The following SEC24A variants were observed in gnomAD, a reference collection of about 807,000 sequenced individuals.
SEC24A encodes SEC24 homolog A, COPII component.
In SEC24A, 93 loss-of-function variants were observed where a neutral mutation model predicts 129.4. The ratio of observed to expected loss-of-function variants is 0.72; its 90% CI spans 0.61 to 0.85. The LOEUF (loss-of-function observed/expected upper bound fraction) is 0.85. Ranked by LOEUF, SEC24A falls within the 40% of genes least tolerant of loss-of-function variation. SEC24A has a pLI of 0.00. For synonymous variants in SEC24A, 460 were observed against 467.3 expected (o/e 0.98, Z 0.20); for missense variants, 1,264 against 1,307.4 (o/e 0.97, Z 0.51).
chr5:134,672,208 G>A (rs1750890323), intron 4 of SEC24A, among the ~76,000 whole-genome samples: 1 of 150,848 alleles, frequency 6.6e-6, no homozygotes. Context: ...TGTTTTTTGA[G>A]ACTGAGTCTC....
At chr5:134,672,064 C>T (rs1442699583) in intron 4 of SEC24A, among the ~76,000 whole-genome samples, 178 bp downstream of exon 4, 1 of 152,160 alleles carries the variant, frequency 6.6e-6, no homozygotes, top group Non-Finnish European at 1.5e-5. Flanking sequence ...GTCGCTCAGG[C>T]TGGAGTGCAG....
At chr5:134,712,907 C>T (rs1045670359) in intron 18 of SEC24A, among the ~76,000 whole-genome samples, 2 of 148,534 alleles carry the variant, frequency 1.3e-5, no homozygotes, top group African/African-American at 5.0e-5. Flanking sequence ...CATGAGCCAC[C>T]GTGCCTGGAA....
At chr5:134,714,362 C>T (rs2150110921) in intron 18 of SEC24A, among the ~76,000 whole-genome samples, 1 of 152,268 alleles carries the variant, frequency 6.6e-6, no homozygotes, top group East Asian at 1.9e-4. Flanking sequence ...CAGGAGGTGA[C>T]CAGTGGGCGA....
chr5:134,714,838 T>C (rs1326837112), intron 18 of SEC24A, among the ~76,000 whole-genome samples, 186 bp from the exon 19 acceptor site: 1 of 152,158 alleles, frequency 6.6e-6, no homozygotes, highest in Admixed American at 6.6e-5. Context: ...CAAAAGACTT[T>C]TAGGTGGGGC....
In SEC24A at chr5:134,696,501, C is replaced by CAT. The variant is rs547301133; in HGVS notation, c.1987-616_1987-615dup. 2.6e-5 allele frequency among the ~76,000 whole-genome samples: 4 copies of CAT among 151,742 alleles called. 1 individual carries two copies. The highest frequency in any genetic ancestry group is 6.6e-5 in the Admixed American group (1 of 15,210). Reference sequence around the variant, plus strand: ...AAACCTACAGAAAATTTTTAAAAAACATATATATATTTTTTCAGACGGAGT... The same window carrying CAT: ...AAACCTACAGAAAATTTTTAAAAAACATATATATATATTTTTTCAGACGGAGT... On this transcript the variant is annotated intron_variant, in intron 13 of 22. Coordinates refer to ENST00000398844, the MANE Select transcript of SEC24A (RefSeq NM_021982.3).
At position 134,725,082 on chromosome 5, in the gene SEC24A, A is replaced by G; in HGVS notation, c.3270A>G (p.Gln1090=). The G allele has an allele frequency of 1.4e-6, 2 of 1,475,224 alleles. No individual in the cohort carries two copies. The highest frequency in any genetic ancestry group is 1.9e-6 in the Non-Finnish European group (2 of 1,057,164). The allele number at this position is 1,475,224 out of a possible 1,614,324, so 91.4% of individuals were successfully genotyped here. A position where few individuals can be genotyped will look rare whatever the true frequency, so the allele number is the denominator to read the frequency against. The change falls in exon 23 of 23, where the codon CAA becomes CAG. Residue 1090 remains glutamine, a synonymous_variant. Transcript: ENST00000398844. Reference sequence around the variant, plus strand: ...AATTCCTGTTGCATATACAGCAACAAGTGAATAAATGAATGAATGAAGAAA... The same window carrying G: ...AATTCCTGTTGCATATACAGCAACAGGTGAATAAATGAATGAATGAAGAAA... ...YYEFLLHIQQ[Q]VNK
chr5:134,676,156 T>C (rs750238062), intron 7 of SEC24A, 31 bp downstream of exon 7: 19 of 1,507,896 alleles, frequency 1.3e-5, no homozygotes, highest in Non-Finnish European at 1.6e-5. Context: ...TTTTTTTTTT[T>C]TGAGACGGAG....
rs760290027 is a variant in SEC24A, at chr5:134,676,144, C to CT, written c.1254+32dup. On this transcript the variant is annotated intron_variant, in intron 7 of 22. Coordinates refer to ENST00000398844, the MANE Select transcript of SEC24A (RefSeq NM_021982.3). ...CTTAGTGGTATGTTTCTTTTCTTTTCTTTTTTTTTTTTTGAGACGGAGTCT... is the reference window on the plus strand; with the variant it reads ...CTTAGTGGTATGTTTCTTTTCTTTTCTTTTTTTTTTTTTTGAGACGGAGTCT... 180,868 of 1,148,270 alleles carry CT rather than the reference C, an allele frequency of 0.16. 11 individuals carry two copies. The highest frequency in any genetic ancestry group is 0.18 in the South Asian group (11,329 of 63,312). 71.1% of individuals were successfully genotyped at this position (1,148,270 alleles called of 1,614,324 possible).
At chr5:134,666,592 GAA>G (rs139900933) in intron 2 of SEC24A, among the ~76,000 whole-genome samples, 17,111 of 150,056 alleles carry the variant, frequency 0.11, 1,152 homozygotes, top group East Asian at 0.27. Context: ...AAGAAAGAAA[GAA>G]AGAAAAAAGG....
intron 9 of SEC24A, among the ~76,000 whole-genome samples, chr5:134,685,086 T>C (rs1042615878): frequency 3.3e-5 from 5 of 152,080 alleles, no homozygotes; most frequent in Admixed American, 1.3e-4. Flanking sequence ...AAAAATATTA[T>C]AGGACAGACA....
In SEC24A at chr5:134,725,089, A is replaced by G. The variant is rs1752728828; in HGVS notation, c.3277A>G (p.Lys1093Glu). 2.1e-6 allele frequency: 3 copies of G among 1,428,916 alleles called. No individual in the cohort carries two copies. In the South Asian group the frequency reaches 3.5e-5, roughly 17 times the overall value. 88.5% of individuals were successfully genotyped at this position (1,428,916 alleles called of 1,614,324 possible). A position where few individuals can be genotyped will look rare whatever the true frequency, so the allele number is the denominator to read the frequency against. ...GTTGCATATACAGCAACAAGTGAAT[A>G]AATGAATGAATGAAGAAATTTGACT... ...FLLHIQQQVN[K>E] The change falls in exon 23 of 23, where the codon AAA becomes GAA. Residue 1093 changes from lysine to glutamate, a missense_variant. By Grantham distance (56) the Lys-to-Glu change is moderately conservative. Transcript: ENST00000398844.
intron 4 of SEC24A, among the ~76,000 whole-genome samples, chr5:134,673,147 C>A (rs1160653780): frequency 6.6e-6 from 1 of 151,026 alleles, no homozygotes; most frequent in Non-Finnish European, 1.5e-5. Context: ...CCTCCAACTC[C>A]CTGGTTCAAG....
At chr5:134,664,403 G>A (rs1177068209) in intron 2 of SEC24A, among the ~76,000 whole-genome samples, 1 of 151,730 alleles carries the variant, frequency 6.6e-6, no homozygotes, top group Non-Finnish European at 1.5e-5. Context: ...GGGCTGAGAG[G>A]GCAGACTCTG....
At chr5:134,670,543 T>A (rs186909796) in intron 3 of SEC24A, among the ~76,000 whole-genome samples, 1 of 152,348 alleles carries the variant, frequency 6.6e-6, no homozygotes, top group Non-Finnish European at 1.5e-5. Context: ...CAGATGTCCC[T>A]GGCATTTGTC....
intron 7 of SEC24A, among the ~76,000 whole-genome samples, chr5:134,677,910 C>T (rs996607048): frequency 2.6e-5 from 4 of 152,016 alleles, no homozygotes; most frequent in African/African-American, 9.7e-5. Context: ...AAGGCACTGG[C>T]TCTCAGTTAA....
At chr5:134,677,036 C>T (rs1008711098) in intron 7 of SEC24A, among the ~76,000 whole-genome samples, 4 of 152,160 alleles carry the variant, frequency 2.6e-5, no homozygotes, top group Non-Finnish European at 1.5e-5. Context: ...AAGTACTTTA[C>T]CCTAGTCTCC....
intron 7 of SEC24A, among the ~76,000 whole-genome samples, chr5:134,676,433 C>T (rs1438059099): frequency 8.1e-6 from 1 of 123,848 alleles, no homozygotes; most frequent in South Asian, 2.5e-4. Context: ...CCTCTGCGCC[C>T]GGCTCTTTTT....
intron 22 of SEC24A, 39 bp from the exon 23 acceptor site, chr5:134,724,935 TTACTGC>T (rs1177606822): frequency 6.4e-6 from 6 of 943,882 alleles, no homozygotes; most frequent in Non-Finnish European, 8.7e-6. Context: ...CAAGTCTATT[TTACTGC>T]TACATTTTAT....
rs1050095391 is a variant in SEC24A at position 134,666,915 on chromosome 5, C to T, written c.658C>T (p.Pro220Ser). ...GCCCCCTCCAGCTGGAGGCCCACCC[C>T]CAGTGAGGGCCCTCACGCCCCTGAC... is the stretch of plus-strand genomic sequence containing the variant. ...HGPPPAGGPP[P>S]VRALTPLTSS... The change falls in exon 3 of 23, where the codon CCA (proline) becomes TCA (serine). Residue 220 changes from proline (P) to serine (S), a missense_variant. Transcript: ENST00000398844. 5.6e-6 allele frequency: 9 copies of T among 1,611,384 alleles called. No individual in the cohort carries two copies. The Admixed American group carries it at 1.3e-4, about 24-fold the overall frequency.
Sources: allele counts gnomAD v4.1 joint callset (sites outside exome capture counted in the v4.1 genomes callset), GRCh38; gene constraint gnomAD v4.1.1; transcripts MANE v1.5; gene names NCBI Gene and HGNC (gene_info 2026-07-23, HGNC 2026-07-21).